The following FBXL17 variants were observed in gnomAD, a reference collection of about 807,000 sequenced individuals.
FBXL17 encodes F-box and leucine rich repeat protein 17.
FBXL17 carries 22 observed loss-of-function variants against 66.2 expected under a neutral mutation model. The observed-to-expected ratio is 0.33, with a 90% CI of 0.24 to 0.47. The LOEUF (loss-of-function observed/expected upper bound fraction) is 0.47, where lower values mean the gene tolerates loss of function less well. Ranked by LOEUF, FBXL17 falls within the 20% of genes least tolerant of loss-of-function variation. The pLI is 1.00. For synonymous variants in FBXL17, 474 were observed against 400.5 expected, an observed-to-expected ratio of 1.18 and a Z score of -2.19; for missense variants, 878 against 948.2, an observed-to-expected ratio of 0.93 and a Z score of 0.97.
intron 8 of FBXL17, among the ~76,000 whole-genome samples, chr5:107,864,373 T>A (rs1174344865): frequency 6.6e-6 from 1 of 152,244 alleles, no homozygotes; most frequent in Non-Finnish European, 1.5e-5. Context: ...AGGAATAACT[T>A]TTAGAATGTT....
chr5:107,880,215 G>T, intron 8 of FBXL17: 1 of 259,456 alleles, frequency 3.9e-6, no homozygotes, highest in Non-Finnish European at 6.0e-6. Flanking sequence ...CTACAGGTGT[G>T]TGCCATTATG....
chr5:108,039,708 T>C (rs1315462308), intron 6 of FBXL17, among the ~76,000 whole-genome samples: 1 of 152,078 alleles, frequency 6.6e-6, no homozygotes, highest in Non-Finnish European at 1.5e-5. Flanking sequence ...TTCATACTCT[T>C]GGGGGACAAC....
chr5:108,015,011 G>T (rs1754327744), intron 7 of FBXL17, among the ~76,000 whole-genome samples: 2 of 152,064 alleles, frequency 1.3e-5, no homozygotes, highest in South Asian at 4.2e-4. Context: ...CTCCCATTGG[G>T]TCTCTCCCAC....
chr5:108,278,399 G>T (rs780144140), intron 4 of FBXL17, among the ~76,000 whole-genome samples: 3 of 152,194 alleles, frequency 2.0e-5, no homozygotes, highest in Admixed American at 1.3e-4. Flanking sequence ...AGAGAAACTC[G>T]GGCTGCTGCA....
chr5:108,259,999 A>G (rs747844890), intron 4 of FBXL17, among the ~76,000 whole-genome samples: 8 of 151,446 alleles, frequency 5.3e-5, no homozygotes, highest in Non-Finnish European at 1.2e-4. Flanking sequence ...TAGCTTAGTG[A>G]GAGAAATAGT....
At chr5:108,031,636 C>T (rs1166390159) in intron 6 of FBXL17, among the ~76,000 whole-genome samples, 1 of 152,090 alleles carries the variant, frequency 6.6e-6, no homozygotes, top group Non-Finnish European at 1.5e-5. Flanking sequence ...TTCTTAATAG[C>T]ATTGTAAACT....
intron 7 of FBXL17, among the ~76,000 whole-genome samples, chr5:107,950,059 A>G (rs957895602): frequency 6.6e-6 from 1 of 152,212 alleles, no homozygotes; most frequent in African/African-American, 2.4e-5. Flanking sequence ...GTCAGAAAAG[A>G]AAGTTTTTCT....
intron 4 of FBXL17, among the ~76,000 whole-genome samples, chr5:108,333,386 C>T (rs754288682): frequency 1.3e-5 from 2 of 151,884 alleles, no homozygotes; most frequent in Non-Finnish European, 2.9e-5. Flanking sequence ...CAAATTACTA[C>T]GTTAAAAAAT....
chr5:107,948,098 G>A (rs1751373304), intron 7 of FBXL17, among the ~76,000 whole-genome samples: 1 of 150,966 alleles, frequency 6.6e-6, no homozygotes, highest in Non-Finnish European at 1.5e-5. Context: ...AAGGCACTAT[G>A]GTTAAAAAAA....
intron 3 of FBXL17, among the ~76,000 whole-genome samples, chr5:108,358,686 C>T (rs2112537244): frequency 6.6e-6 from 1 of 152,216 alleles, no homozygotes; most frequent in East Asian, 1.9e-4. Context: ...CTGGCTAATG[C>T]TAGCCCCACA....
chr5:108,288,286 G>C (rs1270806931), intron 4 of FBXL17, among the ~76,000 whole-genome samples: 1 of 150,774 alleles, frequency 6.6e-6, no homozygotes, highest in Non-Finnish European at 1.5e-5. Flanking sequence ...AACAAAAAAA[G>C]CTGAAGGTAA....
chr5:107,885,577 A>G (rs767015787), intron 7 of FBXL17, among the ~76,000 whole-genome samples: 2 of 152,196 alleles, frequency 1.3e-5, no homozygotes, highest in Non-Finnish European at 1.5e-5. Flanking sequence ...ATACTATGCC[A>G]CTCTAAAAAT....
rs147475971 is a variant in FBXL17 at position 108,181,852 on chromosome 5, T to C, written c.1745+4265A>G. Among the ~76,000 whole-genome samples the C allele has an allele frequency of 1.8e-4, 27 of 152,194 alleles. No homozygotes were observed. In the East Asian group the frequency reaches 4.1e-3, roughly 23 times the overall value. Reference sequence around the variant, plus strand: ...TGAATCCCAGCTATGACGCGGAAAATTGACTGATTAGCCATTCACTTTTTC... The same window carrying C: ...TGAATCCCAGCTATGACGCGGAAAACTGACTGATTAGCCATTCACTTTTTC... On this transcript the variant is annotated intron_variant, in intron 6 of 8. Transcript: ENST00000542267.
chr5:108,341,190 T>TG (rs1746861285), intron 4 of FBXL17, among the ~76,000 whole-genome samples: 1 of 152,184 alleles, frequency 6.6e-6, no homozygotes, highest in African/African-American at 2.4e-5. Context: ...ATACCCATTA[T>TG]GGCTAGATCT....
chr5:107,973,354 A>ATTTTTTTTTTTTTTT (rs200079422), intron 7 of FBXL17, among the ~76,000 whole-genome samples: 1 of 120,434 alleles, frequency 8.3e-6, no homozygotes, highest in Admixed American at 8.3e-5. Flanking sequence ...TTTTTTTGTA[A>ATTTTTTTTTTTTTTT]TTTTTTTTTT....
At chr5:108,195,081 T>C (rs1274534975) in intron 5 of FBXL17, among the ~76,000 whole-genome samples, 1 of 152,128 alleles carries the variant, frequency 6.6e-6, no homozygotes, top group African/African-American at 2.4e-5. Context: ...CTTCTCCAGC[T>C]GATAAAAATA....
intron 4 of FBXL17, among the ~76,000 whole-genome samples, chr5:108,264,918 A>G (rs1227953777): frequency 6.6e-6 from 1 of 151,824 alleles, no homozygotes; most frequent in Admixed American, 6.6e-5. Context: ...TTTAAATTAT[A>G]TCATTATAGT....
chr5:107,983,479 C>G (rs183009099), intron 7 of FBXL17, among the ~76,000 whole-genome samples: 1 of 151,908 alleles, frequency 6.6e-6, no homozygotes, highest in Non-Finnish European at 1.5e-5. Flanking sequence ...CAGGCATGAG[C>G]CACTGGGCCC....
At chr5:108,339,378 T>C (rs959597651) in intron 4 of FBXL17, among the ~76,000 whole-genome samples, 2 of 152,164 alleles carry the variant, frequency 1.3e-5, no homozygotes, top group Admixed American at 6.5e-5. Flanking sequence ...GCCACTGCCA[T>C]CTAACCTTAT....
Sources: allele counts gnomAD v4.1 joint callset (sites outside exome capture counted in the v4.1 genomes callset), GRCh38; gene constraint gnomAD v4.1.1; transcripts MANE v1.5; gene names NCBI Gene and HGNC (gene_info 2026-07-23, HGNC 2026-07-21).